Variants in GADL1 observed in about 807,000 individuals in gnomAD.
GADL1 encodes acidic amino acid decarboxylase GADL1.
Under a neutral mutation model 69.5 loss-of-function variants are expected in GADL1, and 71 were observed. That is an observed-to-expected ratio of 1.02 (90% CI 0.84 to 1.25). GADL1 has a LOEUF of 1.25. Among genes scored for constraint, GADL1 ranks in the 50% most tolerant of loss-of-function variants. The pLI, the probability that GADL1 is intolerant of heterozygous loss-of-function variation, is 0.00. For synonymous variants in GADL1, 254 were observed against 214.4 expected, an observed-to-expected ratio of 1.18 and a Z score of -1.62; for missense variants, 737 against 631.8, an observed-to-expected ratio of 1.17 and a Z score of -1.79.
chr3:30,759,727 G>A (rs1457333276), intron 14 of GADL1, among the ~76,000 whole-genome samples: 1 of 152,152 alleles, frequency 6.6e-6, no homozygotes, highest in South Asian at 2.1e-4. Flanking sequence ...CACTTCCTTA[G>A]AAGTAACATT....
chr3:30,854,720 G>T lies in GADL1; in HGVS notation c.407C>A (p.Thr136Asn), dbSNP rs1179077937. The T allele has an allele frequency of 3.2e-6, 5 of 1,548,342 alleles. No homozygotes were observed. The highest frequency in any genetic ancestry group is 1.4e-5 in the African/African-American group (1 of 72,894). ...DYYSLVARFM[T>N]EALNPSVYTY... is the part of the protein sequence containing the mutation. ...TTACACACTTGGATTCAATGCTTCG[G>T]TCATAAATCGGGCCACCAAGGAGTA... The change falls in exon 4 of 15, where the codon ACC (threonine) becomes AAC (asparagine). Residue 136 changes from threonine to asparagine, a missense_variant. Physicochemically the swap from Thr to Asn is moderately conservative, Grantham distance 65 (BLOSUM62 0). Coordinates refer to ENST00000282538, the MANE Select transcript of GADL1 (RefSeq NM_207359.3).
At chr3:30,744,558 A>T (rs1376160204) in intron 14 of GADL1, among the ~76,000 whole-genome samples, 1 of 152,084 alleles carries the variant, frequency 6.6e-6, no homozygotes, top group Non-Finnish European at 1.5e-5. Flanking sequence ...CAAAAACTTT[A>T]AAAAAATTAG....
rs6550027 is a variant in GADL1 at position 30,862,046 on chromosome 3, T to G, written c.38-281A>C. On this transcript the variant is annotated intron_variant, in intron 1 of 14. Coordinates refer to ENST00000282538, the MANE Select transcript of GADL1 (RefSeq NM_207359.3). The stretch of plus-strand genomic sequence containing the variant: ...TGAGTTAGTCATGGAGTATATGACC[T>G]CCTAATTCAGTGCAATTTCAGGTCT... 2.0e-5 allele frequency among the ~76,000 whole-genome samples: 3 copies of G among 151,762 alleles called. No individual in the cohort carries two copies. In the East Asian group the frequency reaches 5.9e-4, roughly 30 times the overall value.
At chr3:30,833,790 C>T (rs922081228) in intron 11 of GADL1, 63 bp downstream of exon 11, 1 of 1,165,418 alleles carries the variant, frequency 8.6e-7, no homozygotes. Flanking sequence ...AAAAATGAAG[C>T]CCTTGGCAAG....
chr3:30,835,325 G>GT (rs1321946638), intron 9 of GADL1, among the ~76,000 whole-genome samples: 1 of 152,048 alleles, frequency 6.6e-6, no homozygotes, highest in Non-Finnish European at 1.5e-5. Context: ...TGCTTAGGAT[G>GT]TAGCAACTTC....
At chr3:30,793,781 C>T (rs534270221) in intron 12 of GADL1, among the ~76,000 whole-genome samples, 4 of 101,874 alleles carry the variant, frequency 3.9e-5, no homozygotes, top group African/African-American at 1.3e-4. Flanking sequence ...ATAGCCTCTC[C>T]AGTCCCTTTC....
At chr3:30,844,123 T>C in intron 8 of GADL1, 87 bp downstream of exon 8, 1 of 983,314 alleles carries the variant, frequency 1.0e-6, no homozygotes, top group South Asian at 1.5e-5. Context: ...TTGCATTCTC[T>C]CCTTGCTATT....
chr3:30,842,031 G>A lies in GADL1; in HGVS notation c.786+2179C>T, dbSNP rs375871295. Among the ~76,000 whole-genome samples, 48 of 152,184 alleles carry A rather than the reference G, an allele frequency of 3.2e-4. 1 individual carries two copies. The highest frequency in any genetic ancestry group is 1.1e-3 in the African/African-American group (46 of 41,534). On this transcript the variant is annotated intron_variant, in intron 8 of 14. Coordinates refer to ENST00000282538, the MANE Select transcript of GADL1 (RefSeq NM_207359.3). Reference sequence around the variant, plus strand: ...AATCTATAATGTGGAAAGCTATATGGGACAAAAGACCTGATCTTTTCAACA... The same window carrying A: ...AATCTATAATGTGGAAAGCTATATGAGACAAAAGACCTGATCTTTTCAACA...
At chr3:30,888,332 T>C (rs1698736175) in intron 1 of GADL1, among the ~76,000 whole-genome samples, 1 of 152,152 alleles carries the variant, frequency 6.6e-6, no homozygotes, top group Non-Finnish European at 1.5e-5. Context: ...GTTACGAGTG[T>C]ACAAAATAAT....
chr3:30,737,720 A>G (rs967799135), intron 14 of GADL1, among the ~76,000 whole-genome samples: 3 of 152,182 alleles, frequency 2.0e-5, no homozygotes, highest in Non-Finnish European at 4.4e-5. Context: ...AATATGAAGA[A>G]AAAAGCCATA....
At chr3:30,853,614 C>A (rs1327020705) in intron 4 of GADL1, among the ~76,000 whole-genome samples, 2 of 152,086 alleles carry the variant, frequency 1.3e-5, no homozygotes, top group Admixed American at 6.6e-5. Context: ...ACTTGAAAAC[C>A]AGTTCCCTCT....
chr3:30,786,018 C>T (rs1322574501), intron 13 of GADL1, among the ~76,000 whole-genome samples: 2 of 152,224 alleles, frequency 1.3e-5, no homozygotes, highest in East Asian at 3.9e-4. Context: ...ATTGATTTTT[C>T]ACATGCAGGC....
At chr3:30,742,068 T>A (rs1695634641) in intron 14 of GADL1, among the ~76,000 whole-genome samples, 1 of 152,112 alleles carries the variant, frequency 6.6e-6, no homozygotes, top group South Asian at 2.1e-4. Context: ...CCACCAAACA[T>A]GTGAGTAAAG....
At chr3:30,843,630 C>A (rs2125528387) in intron 8 of GADL1, among the ~76,000 whole-genome samples, 1 of 152,306 alleles carries the variant, frequency 6.6e-6, no homozygotes, top group African/African-American at 2.4e-5. Context: ...CAGAGCCATG[C>A]CTTGCCTTCT....
chr3:30,752,308 G>A (rs770075444), intron 14 of GADL1, among the ~76,000 whole-genome samples: 1 of 144,752 alleles, frequency 6.9e-6, no homozygotes, highest in Non-Finnish European at 1.6e-5. Context: ...CATTTCAGGC[G>A]TTGTAGGGGC....
At chr3:30,842,024 C>CT (rs1347231971) in intron 8 of GADL1, among the ~76,000 whole-genome samples, 1 of 152,030 alleles carries the variant, frequency 6.6e-6, no homozygotes, top group Non-Finnish European at 1.5e-5. Context: ...ATGTGGAAAG[C>CT]TATATGGGAC....
chr3:30,868,163 A>C (rs971608157), intron 1 of GADL1, among the ~76,000 whole-genome samples: 1 of 152,056 alleles, frequency 6.6e-6, no homozygotes, highest in Non-Finnish European at 1.5e-5. Context: ...AGTTAAGTAC[A>C]TGGAATTTTT....
chr3:30,887,282 C>G (rs975804563), intron 1 of GADL1, among the ~76,000 whole-genome samples: 8 of 152,154 alleles, frequency 5.3e-5, no homozygotes, highest in Non-Finnish European at 8.8e-5. Context: ...CATGTTGAGA[C>G]TGAATTCCCA....
chr3:30,773,595 T>G (rs1453264387), intron 14 of GADL1, among the ~76,000 whole-genome samples: 1 of 152,192 alleles, frequency 6.6e-6, no homozygotes, highest in African/African-American at 2.4e-5. Context: ...AGTGGCTGTT[T>G]TAAACCCCTT....
Sources: gnomAD v4.1 joint callset for allele counts (sites outside exome capture counted in the v4.1 genomes callset) on GRCh38, gnomAD v4.1.1 for gene constraint, MANE v1.5 for transcripts, NCBI Gene and HGNC (gene_info 2026-07-23, HGNC 2026-07-21) for gene names.